Variants in METTL22 observed in about 807,000 individuals in gnomAD.
METTL22 encodes the protein methyltransferase-like protein 22.
METTL22 carries 51 observed loss-of-function variants against 48.4 expected under a neutral mutation model. That is an observed-to-expected ratio of 1.05 (90% confidence interval 0.84 to 1.33). METTL22 has a LOEUF of 1.33. Among genes scored for constraint, METTL22 ranks in the 40% most tolerant of loss-of-function variants. The pLI, the probability that METTL22 is intolerant of heterozygous loss-of-function variation, is 0.00. For synonymous variants in METTL22, 255 were observed against 214.1 expected (o/e 1.19, Z -1.67); for missense variants, 678 against 526.9 (o/e 1.29, Z -2.81).
chr16:8,639,462 C>G (rs1413765924), intron 6 of METTL22: 1 of 431,544 alleles, frequency 2.3e-6, no homozygotes, highest in East Asian at 4.0e-5. Flanking sequence ...TCCAAGATGT[C>G]CTCATGAAAC....
intron 3 of METTL22, 63 bp downstream of exon 3, chr16:8,629,173 G>T: frequency 6.4e-7 from 1 of 1,559,188 alleles, no homozygotes; most frequent in South Asian, 1.2e-5. Context: ...CACTGCTCAG[G>T]GCTCAGTATG....
At chr16:8,661,738 T>A in the METTL22 span, among the ~76,000 whole-genome samples, 1 of 144,066 alleles carries the variant, frequency 6.9e-6, no homozygotes, top group Non-Finnish European at 1.5e-5. Flanking sequence ...TTTATCACTA[T>A]TATTATTATA....
chr16:8,659,129 G>A, the METTL22 span, among the ~76,000 whole-genome samples: 9 of 152,166 alleles, frequency 5.9e-5, no homozygotes, highest in African/African-American at 1.7e-4. Context: ...TCAGGAGTTC[G>A]AGACCAGCCT....
chr16:8,629,144 C>T (rs780010744), intron 3 of METTL22, 34 bp downstream of exon 3: 17 of 1,591,484 alleles, frequency 1.1e-5, no homozygotes, highest in Middle Eastern at 3.5e-4. Flanking sequence ...CACCTGTCAC[C>T]AAGGCAACTC....
At chr16:8,632,197 G>C (rs1360347510) in intron 3 of METTL22, 1 of 152,174 alleles carries the variant, frequency 6.6e-6, no homozygotes, top group Non-Finnish European at 1.5e-5. Flanking sequence ...TGGCCCCAGG[G>C]AGTTGCACAG....
rs1451823246 is a variant in METTL22, at chr16:8,625,339, G to GA, written c.-170-149dup. Among the ~76,000 whole-genome samples the GA allele has an allele frequency of 6.0e-5, 9 of 149,504 alleles. No individual in the cohort carries two copies. The East Asian group carries it at 1.8e-3, about 29-fold the overall frequency. Reference sequence around the variant, plus strand: ...GTTTGAAATTTTTTTGTAATAAGTTGAAAAAAAAGGGAAAGGAAACTTTAT... The same window carrying GA: ...GTTTGAAATTTTTTTGTAATAAGTTGAAAAAAAAAGGGAAAGGAAACTTTAT... On this transcript the variant is annotated intron_variant, in intron 1 of 10. Coordinates refer to ENST00000381920, the MANE Select transcript of METTL22 (RefSeq NM_024109.4).
intron 6 of METTL22, 80 bp downstream of exon 6, chr16:8,639,242 T>G (rs1243287204): frequency 1.4e-6 from 2 of 1,397,236 alleles, no homozygotes; most frequent in Admixed American, 3.4e-5. Context: ...ACCATGACAT[T>G]GGGAGGCAGG....
At chr16:8,664,624 T>G in the METTL22 span, among the ~76,000 whole-genome samples, 1 of 152,052 alleles carries the variant, frequency 6.6e-6, no homozygotes, top group African/African-American at 2.4e-5. Context: ...GGCTAATTTA[T>G]TTATTTTTTG....
At position 8,649,090 on chromosome 16, in the gene METTL22, A is replaced by C. The variant is rs1264557250; in HGVS notation, c.*2947A>C. 2.0e-5 allele frequency: 3 copies of C among 152,040 alleles called. No homozygotes were observed. Among genetic ancestry groups the C allele is most frequent in the African/African-American group, 7.2e-5 (3 of 41,384 alleles). The allele number at this position is 152,040 out of a possible 1,614,324, so 9.4% of individuals were successfully genotyped here. A position where few individuals can be genotyped will look rare whatever the true frequency, so the allele number is the denominator to read the frequency against. On this transcript the variant is annotated 3_prime_UTR_variant, in exon 11 of 11. Transcript: ENST00000381920. Reference sequence around the variant, plus strand: ...GCACTAATGGTGACAATTTCCTAGCACTCCTGGGTACAAGTCCATAAATGT... The same window carrying C: ...GCACTAATGGTGACAATTTCCTAGCCCTCCTGGGTACAAGTCCATAAATGT...
At chr16:8,641,427 G>T in intron 7 of METTL22, 1 of 617,976 alleles carries the variant, frequency 1.6e-6, no homozygotes, top group South Asian at 1.5e-5. Context: ...CTGTGTGGTA[G>T]CATGATAATC....
chr16:8,641,977 A>AG, intron 7 of METTL22, 150 bp from the exon 8 acceptor site: 1 of 658,874 alleles, frequency 1.5e-6, no homozygotes, highest in Non-Finnish European at 2.8e-6. Flanking sequence ...GGCCTGAAGC[A>AG]GGGAGTCTGG....
intron 10 of METTL22, 26 bp downstream of exon 10, chr16:8,644,751 C>A (rs771986717): frequency 3.9e-6 from 6 of 1,527,072 alleles, no homozygotes; most frequent in Non-Finnish European, 3.5e-6. Context: ...GAAGCAGGGC[C>A]GTTGGTTGCT....
At chr16:8,640,910 A>AAGGGCCGGAAGATGGGCAGG (rs2056586904) in intron 6 of METTL22, among the ~76,000 whole-genome samples, 30 of 78,700 alleles carry the variant, frequency 3.8e-4, no homozygotes, top group African/African-American at 7.2e-4. Context: ...GGATGGATGG[A>AAGGGCCGGAAGATGGGCAGG]TGGATGGATG....
chr16:8,630,666 TTGTA>T (rs1171344944), intron 3 of METTL22, among the ~76,000 whole-genome samples: 2 of 152,132 alleles, frequency 1.3e-5, no homozygotes, highest in Non-Finnish European at 2.9e-5. Flanking sequence ...GAATTTACCA[TTGTA>T]TGAGCTAAGA....
chr16:8,657,381 T>C, the METTL22 span, among the ~76,000 whole-genome samples: 2 of 152,230 alleles, frequency 1.3e-5, no homozygotes, highest in African/African-American at 2.4e-5. Flanking sequence ...TAAGTAATAA[T>C]GTAAGTGGGA....
At position 8,644,969 on chromosome 16, in the gene METTL22, A is replaced by G. The variant is rs143560739; in HGVS notation, c.1179+244A>G. On this transcript the variant is annotated intron_variant, in intron 10 of 10. Transcript: ENST00000381920. ...AACCTTGTCTTTTACTTTATAGCAC[A>G]TATTCCCCCCGTTGGACAGTTCAGA... The G allele has an allele frequency of 4.2e-4, 161 of 384,226 alleles. 2 individuals carry two copies. The East Asian group carries it at 6.9e-3, about 16-fold the overall frequency. The allele number at this position is 384,226 out of a possible 1,614,324, so 23.8% of individuals were successfully genotyped here.
intron 9 of METTL22, chr16:8,644,356 G>C (rs12934921): frequency 0.25 from 129,519 of 517,398 alleles, 18,251 homozygotes; most frequent in East Asian, 0.32. Context: ...TCTGTAAAGT[G>C]CTATCCACTT....
At chr16:8,649,837 A>T (rs1641079), downstream of METTL22, among the ~76,000 whole-genome samples, 880 of 152,176 alleles carry the variant, frequency 5.8e-3, 5 homozygotes, top group Non-Finnish European at 0.01. Flanking sequence ...CCATTAGTGA[A>T]ACTGTGGTCC....
rs781762589 is a variant in METTL22, at chr16:8,642,466, T to G, written c.911T>G (p.Phe304Cys). Residue 304 changes from phenylalanine to cysteine, a missense_variant, in exon 9 of 11, where the codon TTT becomes TGT. Phe to Cys is a radical substitution (Grantham distance 205). Coordinates refer to ENST00000381920, the MANE Select transcript of METTL22 (RefSeq NM_024109.4). ...HTTILFAAEV[F>C]YDDDLTDAVF... The stretch of plus-strand genomic sequence containing the variant: ...CTGGCCTTTTTGCTTCCCACAGTGT[T>G]TTACGACGACGACTTGACTGATGCT... The G allele has an allele frequency of 6.2e-7, 1 of 1,614,166 alleles. No homozygotes were observed. The highest frequency in any genetic ancestry group is 1.1e-5 in the South Asian group (1 of 91,084).
Sources: allele counts gnomAD v4.1 joint callset (sites outside exome capture counted in the v4.1 genomes callset), GRCh38; gene constraint gnomAD v4.1.1; transcripts MANE v1.5; gene names NCBI Gene and HGNC (gene_info 2026-07-23, HGNC 2026-07-21).